LRMDA: variants seen among roughly 807,000 people sequenced by gnomAD.
LRMDA encodes leucine-rich melanocyte differentiation-associated protein.
In LRMDA, 18 loss-of-function variants were observed where a neutral mutation model predicts 29.8. The observed-to-expected ratio is 0.60, with a 90% CI of 0.42 to 0.90. The LOEUF (loss-of-function observed/expected upper bound fraction) is 0.90, where lower values mean the gene tolerates loss of function less well. Among genes scored for constraint, LRMDA ranks in the 40% least tolerant of loss-of-function variants. The pLI is 0.00. For synonymous variants in LRMDA, 125 were observed against 109.4 expected (o/e 1.14, Z -0.89); for missense variants, 273 against 273.9 (o/e 1.00, Z 0.02).
intron 5 of LRMDA, among the ~76,000 whole-genome samples, chr10:76,241,528 T>TC (rs2132285593): frequency 6.6e-6 from 1 of 152,358 alleles, no homozygotes; most frequent in African/African-American, 2.4e-5. Context: ...ATCTTTTTTT[T>TC]CTCACAGCAG....
At chr10:76,504,395 C>T (rs2132345584) in intron 6 of LRMDA, among the ~76,000 whole-genome samples, 1 of 152,028 alleles carries the variant, frequency 6.6e-6, no homozygotes, top group Admixed American at 6.6e-5. Context: ...TTCATTTCTG[C>T]CTCAATGATA....
chr10:76,191,449 C>A (rs1334285654), intron 5 of LRMDA, among the ~76,000 whole-genome samples: 2 of 152,192 alleles, frequency 1.3e-5, no homozygotes, highest in Admixed American at 6.5e-5. Flanking sequence ...TTCCTTCTAA[C>A]CTTTCCCCAA....
intron 2 of LRMDA, among the ~76,000 whole-genome samples, chr10:75,827,000 T>C (rs557956506): frequency 6.6e-6 from 1 of 152,210 alleles, no homozygotes; most frequent in African/African-American, 2.4e-5. Flanking sequence ...CATTTTTGCA[T>C]AAATCCGGCC....
chr10:76,126,550 T>A (rs1849887399), intron 5 of LRMDA, among the ~76,000 whole-genome samples: 1 of 152,172 alleles, frequency 6.6e-6, no homozygotes, highest in Non-Finnish European at 1.5e-5. Context: ...TCCAGCCAAT[T>A]GTTTCCCCTC....
chr10:75,612,212 G>A (rs553910948), intron 2 of LRMDA, among the ~76,000 whole-genome samples: 2 of 152,328 alleles, frequency 1.3e-5, no homozygotes, highest in Admixed American at 6.5e-5. Flanking sequence ...CTTATGCAGT[G>A]CCTTTGAAGA....
intron 2 of LRMDA, among the ~76,000 whole-genome samples, chr10:75,899,934 A>G (rs1845643770): frequency 1.3e-5 from 2 of 152,198 alleles, no homozygotes; most frequent in South Asian, 4.1e-4. Flanking sequence ...ATTTGCATAG[A>G]TATTTGTGTA....
At chr10:75,868,540 A>C (rs1269816422) in intron 2 of LRMDA, among the ~76,000 whole-genome samples, 2 of 152,222 alleles carry the variant, frequency 1.3e-5, no homozygotes, top group Non-Finnish European at 2.9e-5. Context: ...TCTGATTGTT[A>C]CTAGTATTAA....
intron 2 of LRMDA, among the ~76,000 whole-genome samples, chr10:75,515,214 T>G (rs1480523611): frequency 6.6e-6 from 1 of 152,164 alleles, no homozygotes; most frequent in African/African-American, 2.4e-5. Flanking sequence ...TGCCAGGGGC[T>G]GGTGGATGGT....
intron 6 of LRMDA, among the ~76,000 whole-genome samples, chr10:76,507,669 G>A (rs961658721): frequency 1.3e-5 from 2 of 151,846 alleles, no homozygotes; most frequent in African/African-American, 4.8e-5. Flanking sequence ...TTTTATTTTT[G>A]TATGGGCTAA....
At chr10:75,546,258 G>T (rs1039930181) in intron 2 of LRMDA, among the ~76,000 whole-genome samples, 1 of 152,198 alleles carries the variant, frequency 6.6e-6, no homozygotes, top group South Asian at 2.1e-4. Flanking sequence ...TTGCAAGATG[G>T]TGGGTGAGGA....
intron 2 of LRMDA, among the ~76,000 whole-genome samples, chr10:76,017,201 C>T (rs1847893126): frequency 6.6e-6 from 1 of 152,242 alleles, no homozygotes; most frequent in South Asian, 2.1e-4. Flanking sequence ...CGGAGTTAGG[C>T]TGGAGCAGAT....
intron 2 of LRMDA, among the ~76,000 whole-genome samples, chr10:75,662,243 A>G (rs1295546276): frequency 6.6e-6 from 1 of 152,228 alleles, no homozygotes; most frequent in Non-Finnish European, 1.5e-5. Context: ...TGACACTTCC[A>G]GCTCTGATGA....
chr10:75,983,836 G>A (rs1847216079), intron 2 of LRMDA, among the ~76,000 whole-genome samples: 1 of 152,116 alleles, frequency 6.6e-6, no homozygotes, highest in African/African-American at 2.4e-5. Context: ...TGTATTTTTA[G>A]TAGAGATGGG....
intron 2 of LRMDA, among the ~76,000 whole-genome samples, chr10:75,790,394 T>C (rs1843545277): frequency 6.6e-6 from 1 of 152,198 alleles, no homozygotes; most frequent in African/African-American, 2.4e-5. Flanking sequence ...ATTTAACCCA[T>C]TGAGTCCTTG....
chr10:76,359,064 T>C (rs542903024), intron 6 of LRMDA, among the ~76,000 whole-genome samples: 3 of 152,168 alleles, frequency 2.0e-5, no homozygotes, highest in South Asian at 4.1e-4. Flanking sequence ...CCACTAGGGC[T>C]CCTGTGACAG....
chr10:76,470,140 C>A (rs563604194), intron 6 of LRMDA, among the ~76,000 whole-genome samples: 4 of 151,996 alleles, frequency 2.6e-5, no homozygotes, highest in African/African-American at 9.7e-5. Context: ...TCTAAGTAAA[C>A]AAAAACTGAG....
At chr10:76,094,882 T>C (rs1324092282) in intron 5 of LRMDA, among the ~76,000 whole-genome samples, 1 of 152,192 alleles carries the variant, frequency 6.6e-6, no homozygotes, top group Non-Finnish European at 1.5e-5. Context: ...CCACAGTCCA[T>C]ATTATTCTTC....
At chr10:75,598,712 TCTC>T (rs910195227) in intron 2 of LRMDA, among the ~76,000 whole-genome samples, 2 of 152,248 alleles carry the variant, frequency 1.3e-5, no homozygotes, top group African/African-American at 2.4e-5. Flanking sequence ...CTCCTTTCGT[TCTC>T]CTCCTTCCGC....
intron 2 of LRMDA, among the ~76,000 whole-genome samples, chr10:75,971,420 G>A (rs1216219300): frequency 2.0e-5 from 3 of 152,192 alleles, no homozygotes; most frequent in African/African-American, 7.2e-5. Flanking sequence ...TTCAATGACA[G>A]TTTCCCACAA....
Sources: allele counts gnomAD v4.1 joint callset (sites outside exome capture counted in the v4.1 genomes callset), GRCh38; gene constraint gnomAD v4.1.1; transcripts MANE v1.5; gene names NCBI Gene and HGNC (gene_info 2026-07-23, HGNC 2026-07-21).